The following RNF216 variants were observed in gnomAD, a reference collection of about 807,000 sequenced individuals.
RNF216 encodes the protein ring finger protein 216.
RNF216 carries 72 observed loss-of-function variants against 110.8 expected under a neutral mutation model. That is an observed-to-expected ratio of 0.65 (90% CI 0.54 to 0.79). The LOEUF (loss-of-function observed/expected upper bound fraction) is 0.79. Ranked by LOEUF, RNF216 falls within the 30% of genes least tolerant of loss-of-function variation. RNF216 has a pLI of 0.00. For synonymous variants in RNF216, 495 were observed against 407.5 expected (o/e 1.21, Z -2.59); for missense variants, 1,342 against 1,141.2 (o/e 1.18, Z -2.54).
chr7:5,695,929 G>A (rs28720074), intron 13 of RNF216, among the ~76,000 whole-genome samples: 9,282 of 152,282 alleles, frequency 0.061, 948 homozygotes, highest in African/African-American at 0.21. Flanking sequence ...CAGAAAACAT[G>A]TTTCCCGTCA....
At chr7:5,635,584 CA>C (rs1232686468) in intron 15 of RNF216, among the ~76,000 whole-genome samples, 3 of 152,142 alleles carry the variant, frequency 2.0e-5, no homozygotes, top group Non-Finnish European at 2.9e-5. Flanking sequence ...CCGCTTAAGC[CA>C]GGGTCCCAAA....
intron 13 of RNF216, among the ~76,000 whole-genome samples, chr7:5,707,718 G>GTTTTTTT (rs35372254): frequency 1.5e-4 from 14 of 92,854 alleles, no homozygotes; most frequent in Non-Finnish European, 2.2e-4. Context: ...TGTGTGTGTG[G>GTTTTTTT]TTTTTTTTTT....
At chr7:5,753,118 A>G (rs1562462773) in intron 2 of RNF216, 139 bp from the exon 3 acceptor site, 10 of 749,616 alleles carry the variant, frequency 1.3e-5, no homozygotes, top group Non-Finnish European at 2.0e-5. Flanking sequence ...CAGCCCGTGC[A>G]CTTAAGCATT....
intron 13 of RNF216, among the ~76,000 whole-genome samples, chr7:5,677,328 T>A (rs2128602086): frequency 6.6e-6 from 1 of 152,324 alleles, no homozygotes; most frequent in East Asian, 1.9e-4. Flanking sequence ...GCCATCTGCG[T>A]TCACTAAAGG....
At chr7:5,649,411 G>A (rs1042253887) in intron 14 of RNF216, among the ~76,000 whole-genome samples, 3 of 151,866 alleles carry the variant, frequency 2.0e-5, no homozygotes, top group Non-Finnish European at 4.4e-5. Flanking sequence ...CAGAAAGAAA[G>A]GGAGGGAGGA....
At chr7:5,723,159 C>T (rs1172303119) in intron 8 of RNF216, among the ~76,000 whole-genome samples, 1 of 151,990 alleles carries the variant, frequency 6.6e-6, no homozygotes, top group African/African-American at 2.4e-5. Flanking sequence ...CTATTTGAAA[C>T]ATAAATGAAT....
intron 15 of RNF216, among the ~76,000 whole-genome samples, chr7:5,626,733 C>T (rs1786731242): frequency 6.6e-6 from 1 of 152,020 alleles, no homozygotes; most frequent in African/African-American, 2.4e-5. Flanking sequence ...GGCCGTGGGC[C>T]TACACCTCTT....
At chr7:5,754,526 A>G (rs2128665507) in intron 2 of RNF216, among the ~76,000 whole-genome samples, 1 of 152,158 alleles carries the variant, frequency 6.6e-6, no homozygotes, top group East Asian at 1.9e-4. Flanking sequence ...TTCAGAAGAC[A>G]CACGCTATGG....
At chr7:5,751,555 A>C (rs1239855066) in intron 3 of RNF216, among the ~76,000 whole-genome samples, 1 of 152,048 alleles carries the variant, frequency 6.6e-6, no homozygotes, top group East Asian at 1.9e-4. Context: ...GGGAATCATA[A>C]TGAATTTCCC....
Position 5,652,405 on chromosome 7 carries a change from T to C in RNF216, c.2159+8A>G. 6.3e-7 allele frequency: 1 copy of C among 1,590,496 alleles called. No homozygotes were observed. Among genetic ancestry groups the C allele is most frequent in the Non-Finnish European group, 8.6e-7 (1 of 1,158,610 alleles). ...CAGCCCATAGCCCCTCTGAATTCTG[T>C]TACTCACATAGAGGTACGGTACTTG... On this transcript the variant is annotated splice_region_variant and intron_variant, in intron 14 of 16. Transcript: ENST00000389902.
At chr7:5,738,082 G>T (rs1373239399) in intron 5 of RNF216, among the ~76,000 whole-genome samples, 74 of 74,256 alleles carry the variant, frequency 1.0e-3, no homozygotes, top group South Asian at 4.2e-3. Flanking sequence ...GAATAAGACT[G>T]TCTCCAAAAA....
chr7:5,686,255 G>A (rs555326240), intron 13 of RNF216, among the ~76,000 whole-genome samples: 10 of 149,348 alleles, frequency 6.7e-5, no homozygotes, highest in East Asian at 3.9e-4. Context: ...AAAATGGAGC[G>A]TGCTTCTCCA....
rs1787712681 is a variant in RNF216 at position 5,641,211 on chromosome 7, G to A, written c.2325C>T (p.Arg775=). 1.2e-6 allele frequency: 2 copies of A among 1,614,084 alleles called. No homozygotes were observed. Among genetic ancestry groups the A allele is most frequent in the Non-Finnish European group, 1.7e-6 (2 of 1,180,060 alleles). Residue 775 remains arginine, a synonymous_variant, in exon 15 of 17, where the codon CGC becomes CGT. Coordinates refer to ENST00000389902, the MANE Select transcript of RNF216 (RefSeq NM_207111.4). ...ACTCCTGGCAAGGGGCTCCTGGTGA[G>A]CGGGGATGTTGGCAGAAATGGTCAT... ...NGYDHFCQHP[R]SPGAPCQECS...
intron 5 of RNF216, among the ~76,000 whole-genome samples, chr7:5,737,817 C>T (rs1363957994): frequency 1.3e-5 from 2 of 151,972 alleles, no homozygotes; most frequent in South Asian, 2.1e-4. Flanking sequence ...AGGCTGAGCA[C>T]GGTGGCTTAT....
At chr7:5,760,585 G>C (rs1285377835) in intron 2 of RNF216, 2 of 281,028 alleles carry the variant, frequency 7.1e-6, no homozygotes, top group East Asian at 2.2e-4. Flanking sequence ...TTCCCCTCAA[G>C]GCTAAGCCAG....
At position 5,748,605 on chromosome 7, in the gene RNF216, TATACATACACACACAC is replaced by T. The variant is rs1482405408; in HGVS notation, c.201+4225_201+4240del. Among the ~76,000 whole-genome samples the T allele has an allele frequency of 6.2e-3, 723 of 116,028 alleles. 4 individuals are homozygous for T. Among genetic ancestry groups the T allele is most frequent in the South Asian group, 0.04 (136 of 3,398 alleles). 76.1% of individuals were successfully genotyped at this position (116,028 alleles called of 152,430 possible). On this transcript the variant is annotated intron_variant, in intron 3 of 16. Transcript: ENST00000389902. ...TTATAAGAATGCAGTATATTTTTTA[TATACATACACACACAC>T]ACACACACACACACACACACACACA...
At chr7:5,732,300 A>G (rs1794140749) in intron 5 of RNF216, among the ~76,000 whole-genome samples, 1 of 152,142 alleles carries the variant, frequency 6.6e-6, no homozygotes, top group Non-Finnish European at 1.5e-5. Flanking sequence ...TGAGTTCCAG[A>G]CAACTCATTA....
At chr7:5,654,206 G>GAA (rs1788586446) in intron 13 of RNF216, among the ~76,000 whole-genome samples, 2 of 152,220 alleles carry the variant, frequency 1.3e-5, no homozygotes, top group Non-Finnish European at 2.9e-5. Context: ...TGACTTGAGA[G>GAA]CAAGGGAGGA....
intron 13 of RNF216, among the ~76,000 whole-genome samples, chr7:5,702,245 T>C (rs1019663759): frequency 4.6e-5 from 7 of 152,144 alleles, no homozygotes; most frequent in Middle Eastern, 3.4e-3. Context: ...GCATAGTCCA[T>C]GTTCACTCAC....
Sources: gnomAD v4.1 joint callset for allele counts (sites outside exome capture counted in the v4.1 genomes callset) on GRCh38, gnomAD v4.1.1 for gene constraint, MANE v1.5 for transcripts, NCBI Gene and HGNC (gene_info 2026-07-23, HGNC 2026-07-21) for gene names.